DEFB107B: variants seen among roughly 807,000 people sequenced by gnomAD.
The protein encoded by DEFB107B is beta-defensin 107.
chr8:7,497,285 T>A (rs1563361756), intron 1 of DEFB107B, among the ~76,000 whole-genome samples: 1 of 152,222 alleles, frequency 6.6e-6, no homozygotes, highest in Non-Finnish European at 1.5e-5. Context: ...TTGCTTGTAG[T>A]GGTAAATAAG....
At position 7,503,814 on chromosome 8, in the gene DEFB107B, G is replaced by A. The variant is rs1327019430; in HGVS notation, c.71-5267G>A. 8.4e-5 allele frequency among the ~76,000 whole-genome samples: 2 copies of A among 23,784 alleles called. 1 individual carries two copies. Among genetic ancestry groups the A allele is most frequent in the African/African-American group, 1.5e-4 (2 of 13,556 alleles). 15.6% of individuals were successfully genotyped at this position (23,784 alleles called of 152,430 possible). On this transcript the variant is annotated intron_variant, in intron 1 of 1. Transcript: ENST00000355602. ...ATTTAAAGCAATGATAGAGACATCTGCTCCAGTGTCTACCAATCCTTCAAA... is the reference window on the plus strand; with the variant it reads ...ATTTAAAGCAATGATAGAGACATCTACTCCAGTGTCTACCAATCCTTCAAA...
At chr8:7,502,272 GT>G (rs1176155891) in intron 1 of DEFB107B, among the ~76,000 whole-genome samples, 2 of 17,670 alleles carry the variant, frequency 1.1e-4, no homozygotes, top group African/African-American at 2.1e-4. Context: ...CAACTATTTT[GT>G]CTGGGTCATT....
chr8:7,496,601 G>C (rs1811754955), intron 1 of DEFB107B, among the ~76,000 whole-genome samples: 1 of 139,842 alleles, frequency 7.2e-6, no homozygotes. Context: ...CGCCTGGCCA[G>C]CATATTCTAA....
chr8:7,496,001 A>G lies in DEFB107B; in HGVS notation c.68A>G (p.Gln23Arg). The change falls in exon 1 of 2, where the codon CAA (glutamine) becomes CGA (arginine). Residue 23 changes from glutamine to arginine, a missense_variant and splice_region_variant. By Grantham distance (43) the Gln-to-Arg change is conservative. Coordinates refer to ENST00000355602, the MANE Select transcript of DEFB107B (RefSeq NM_001040705.2). ...CTCATTCTTCTTGCTCAAATTTTCCAAGGTAAGAGGGAAATTCTTCTAGAA... is the reference window on the plus strand; with the variant it reads ...CTCATTCTTCTTGCTCAAATTTTCCGAGGTAAGAGGGAAATTCTTCTAGAA... The part of the protein sequence containing the change: ...AALILLAQIF[Q>R]ARTAIHRALI... The G allele has an allele frequency of 8.2e-6, 1 of 121,292 alleles. No individual in the cohort carries two copies. The highest frequency in any genetic ancestry group is 1.3e-4 in the African/African-American group (1 of 7,762). The allele number at this position is 121,292 out of a possible 1,614,324, so 7.5% of individuals were successfully genotyped here.
At chr8:7,496,456 C>T (rs1473244619) in intron 1 of DEFB107B, among the ~76,000 whole-genome samples, 7 of 151,046 alleles carry the variant, frequency 4.6e-5, no homozygotes, top group Non-Finnish European at 8.8e-5. Context: ...CCCGCCACCA[C>T]GCCTGGCTAA....
At chr8:7,500,808 A>AT (rs1418220723) in intron 1 of DEFB107B, among the ~76,000 whole-genome samples, 13 of 56,904 alleles carry the variant, frequency 2.3e-4, no homozygotes, top group African/African-American at 7.2e-4. Flanking sequence ...TGACGTCACC[A>AT]TTTTGTTCAT....
At chr8:7,507,952 G>A (rs1228578435) in intron 1 of DEFB107B, among the ~76,000 whole-genome samples, 1 of 144,748 alleles carries the variant, frequency 6.9e-6, no homozygotes, top group African/African-American at 2.8e-5. Flanking sequence ...ATAACTGCTT[G>A]AGCAGTGGCA....
intron 1 of DEFB107B, among the ~76,000 whole-genome samples, chr8:7,507,796 T>A (rs1348836558): frequency 7.0e-6 from 1 of 141,848 alleles, no homozygotes; most frequent in African/African-American, 2.9e-5. Context: ...TTTTCCAAAT[T>A]TGTTCATGTG....
intron 1 of DEFB107B, among the ~76,000 whole-genome samples, chr8:7,507,812 A>G (rs1426300683): frequency 7.0e-6 from 1 of 143,166 alleles, no homozygotes; most frequent in Non-Finnish European, 1.5e-5. Flanking sequence ...ATGTGGACAT[A>G]TAGAAATAGG....
At chr8:7,497,398 C>T (rs1811794512) in intron 1 of DEFB107B, among the ~76,000 whole-genome samples, 1 of 152,130 alleles carries the variant, frequency 6.6e-6, no homozygotes, top group South Asian at 2.1e-4. Flanking sequence ...ATAAAAGATG[C>T]AAATTATAAA....
In DEFB107B at chr8:7,503,401, G is replaced by C. The variant is rs1811896731; in HGVS notation, c.71-5680G>C. On this transcript the variant is annotated intron_variant, in intron 1 of 1. Transcript: ENST00000355602. ...TTCTGTTTTCCAAGTTAATGGTATG[G>C]GTTTCGGAGGCTCTATAGTGGCCAC... 8.8e-5 allele frequency among the ~76,000 whole-genome samples: 2 copies of C among 22,758 alleles called. 1 individual carries two copies. The highest frequency in any genetic ancestry group is 1.1e-3 in the Admixed American group (2 of 1,778). 14.9% of individuals were successfully genotyped at this position (22,758 alleles called of 152,430 possible).
intron 1 of DEFB107B, among the ~76,000 whole-genome samples, chr8:7,508,225 C>A (rs1811992825): frequency 7.0e-6 from 1 of 141,918 alleles, no homozygotes; most frequent in South Asian, 2.2e-4. Context: ...GAGCAGAAAT[C>A]TAAGCCCCTG....
At chr8:7,502,878 A>G (rs1197608063) in intron 1 of DEFB107B, among the ~76,000 whole-genome samples, 1 of 23,110 alleles carries the variant, frequency 4.3e-5, no homozygotes, top group African/African-American at 7.8e-5. Context: ...ATAAAATATC[A>G]TCAATATAAT....
At chr8:7,497,592 C>T (rs574443109) in intron 1 of DEFB107B, among the ~76,000 whole-genome samples, 3 of 152,080 alleles carry the variant, frequency 2.0e-5, no homozygotes, top group Non-Finnish European at 2.9e-5. Context: ...AATCAGTTCC[C>T]GATTTTCTGC....
chr8:7,507,873 C>T (rs1811977223), intron 1 of DEFB107B, among the ~76,000 whole-genome samples: 1 of 146,332 alleles, frequency 6.8e-6, no homozygotes, highest in African/African-American at 2.7e-5. Context: ...CAGCTAAACC[C>T]AGAGGTTCTA....
chr8:7,497,927 C>T lies in DEFB107B; in HGVS notation c.70+1924C>T, dbSNP rs1203745255. The stretch of plus-strand genomic sequence containing the variant: ...TGTGGGTGTTTCTCGTAAGGTGGGA[C>T]GAGAGATTTGGAAAAGAAAAAGACA... On this transcript the variant is annotated intron_variant, in intron 1 of 1. Transcript: ENST00000355602. 4.6e-4 allele frequency among the ~76,000 whole-genome samples: 10 copies of T among 21,876 alleles called. 5 individuals carry two copies. The highest frequency in any genetic ancestry group is 6.6e-4 in the African/African-American group (8 of 12,158). 14.4% of individuals were successfully genotyped at this position (21,876 alleles called of 152,430 possible).
At chr8:7,497,301 A>G (rs1329626821) in intron 1 of DEFB107B, among the ~76,000 whole-genome samples, 3 of 152,256 alleles carry the variant, frequency 2.0e-5, no homozygotes, top group African/African-American at 7.2e-5. Flanking sequence ...ATAAGCTTTC[A>G]ATACATTTAA....
intron 1 of DEFB107B, among the ~76,000 whole-genome samples, chr8:7,508,122 C>A (rs1237281872): frequency 7.6e-6 from 1 of 132,022 alleles, no homozygotes; most frequent in African/African-American, 3.3e-5. Context: ...TGTGTCTCAA[C>A]TGATTGTCCA....
At chr8:7,497,409 G>C (rs1811794948) in intron 1 of DEFB107B, among the ~76,000 whole-genome samples, 1 of 151,934 alleles carries the variant, frequency 6.6e-6, no homozygotes. Flanking sequence ...AAATTATAAA[G>C]AGAAGTCATA....
Sources: gnomAD v4.1 joint callset for allele counts (sites outside exome capture counted in the v4.1 genomes callset) on GRCh38, gnomAD v4.1.1 for gene constraint, MANE v1.5 for transcripts, NCBI Gene and HGNC (gene_info 2026-07-23, HGNC 2026-07-21) for gene names.